ACBD5: variants seen among roughly 807,000 people sequenced by gnomAD.
ACBD5 encodes acyl-CoA-binding domain-containing protein 5.
Under a neutral mutation model 71.8 loss-of-function variants are expected in ACBD5, and 40 were observed. The observed-to-expected ratio is 0.56, with a 90% confidence interval of 0.43 to 0.72. ACBD5 has a LOEUF of 0.72. Ranked by LOEUF, ACBD5 falls within the 30% of genes least tolerant of loss-of-function variation. The probability of loss-of-function intolerance (pLI) is 0.00; values close to 1 mark genes in which losing one functional copy is unlikely to be tolerated. For synonymous variants in ACBD5, 229 were observed against 218.6 expected, an observed-to-expected ratio of 1.05 and a Z score of -0.42; for missense variants, 559 against 644.5, an observed-to-expected ratio of 0.87 and a Z score of 1.44.
chr10:27,221,589 C>T (rs2137545714), intron 5 of ACBD5, among the ~76,000 whole-genome samples: 1 of 152,236 alleles, frequency 6.6e-6, no homozygotes, highest in African/African-American at 2.4e-5. Flanking sequence ...CCTCTGCATC[C>T]CAACATGCCT....
chr10:27,241,995 T>G (rs1210996274), upstream of ACBD5: 2 of 452,380 alleles, frequency 4.4e-6, no homozygotes, highest in Non-Finnish European at 4.4e-6. Context: ...GGAGGGTTAC[T>G]AGGAAAAATC....
At chr10:27,225,414 T>A (rs1424991406) in intron 4 of ACBD5, among the ~76,000 whole-genome samples, 1 of 152,186 alleles carries the variant, frequency 6.6e-6, no homozygotes, top group Non-Finnish European at 1.5e-5. Context: ...CCCCACTGTG[T>A]TATATGTGTA....
In ACBD5 at chr10:27,240,793, CGTCT is replaced by C. The variant is rs953084616; in HGVS notation, c.-109_-106del. 27 of 1,508,184 alleles carry C rather than the reference CGTCT, an allele frequency of 1.8e-5. No individual in the cohort carries two copies. Among genetic ancestry groups the C allele is most frequent in the East Asian group, 9.8e-5 (4 of 40,688 alleles). 93.4% of individuals were successfully genotyped at this position (1,508,184 alleles called of 1,614,324 possible). On this transcript the variant is annotated 5_prime_UTR_variant, in exon 1 of 13. Coordinates refer to ENST00000396271, the MANE Select transcript of ACBD5 (RefSeq NM_145698.5). This position sits in a 1 kb window ranked among gnomAD's most constrained non-coding sequence, Gnocchi z 4.1. Reference sequence around the variant, plus strand: ...CCACACCCCCCATTCCGCCGGAGTCCGTCTGTCAGTCCGTGCCCTCCCCACAGCC... The same window carrying C: ...CCACACCCCCCATTCCGCCGGAGTCCGTCAGTCCGTGCCCTCCCCACAGCC...
At chr10:27,212,072 G>A (rs1589120592) in intron 8 of ACBD5, among the ~76,000 whole-genome samples, 1 of 152,166 alleles carries the variant, frequency 6.6e-6, no homozygotes, top group Admixed American at 6.5e-5. Flanking sequence ...GCAAGGGGCC[G>A]GCATGGTGGC....
chr10:27,241,068 T>C (rs1211242275), upstream of ACBD5, among the ~76,000 whole-genome samples: 1 of 152,150 alleles, frequency 6.6e-6, no homozygotes, highest in Non-Finnish European at 1.5e-5. Flanking sequence ...GGCAGCCGGG[T>C]GGACGAAGTG....
At chr10:27,197,817 C>T (rs1181718092) in intron 12 of ACBD5, among the ~76,000 whole-genome samples, 1 of 152,070 alleles carries the variant, frequency 6.6e-6, no homozygotes, top group Non-Finnish European at 1.5e-5. Flanking sequence ...TGGGTAATTT[C>T]TGTATTTTTA....
intron 3 of ACBD5, among the ~76,000 whole-genome samples, chr10:27,233,959 G>A (rs2064271823): frequency 1.3e-5 from 2 of 152,090 alleles, no homozygotes; most frequent in African/African-American, 4.8e-5. Flanking sequence ...CAGGAGAATC[G>A]CTTGAACCTG....
At chr10:27,212,721 T>A (rs116954651) in intron 8 of ACBD5, among the ~76,000 whole-genome samples, 1,670 of 152,144 alleles carry the variant, frequency 0.011, 15 homozygotes, top group Middle Eastern at 0.027. Context: ...CTAAGTTTTT[T>A]ATTTTTTTGT....
intron 4 of ACBD5, among the ~76,000 whole-genome samples, chr10:27,224,084 G>A (rs372556156): frequency 1.3e-5 from 2 of 151,588 alleles, no homozygotes; most frequent in East Asian, 3.9e-4. Flanking sequence ...GCTAGGGGGC[G>A]CAGTGCAATG....
intron 12 of ACBD5, among the ~76,000 whole-genome samples, chr10:27,202,969 C>CTTTTTTTTTT (rs775633178): frequency 2.8e-5 from 2 of 70,766 alleles, no homozygotes; most frequent in East Asian, 5.2e-4. Flanking sequence ...TCTATATCCT[C>CTTTTTTTTTT]TTTTTTTTTT....
Position 27,235,084 on chromosome 10 carries a change from A to G in ACBD5, c.302+8T>C. ...TAAATTCTTGCATAGCTCTACACAA[A>G]AAATTACCATTTATATCTTCCAATA... is the stretch of plus-strand genomic sequence containing the variant. On this transcript the variant is annotated splice_region_variant and intron_variant, in intron 3 of 12. Coordinates refer to ENST00000396271, the MANE Select transcript of ACBD5 (RefSeq NM_145698.5). 1.9e-6 allele frequency: 3 copies of G among 1,613,718 alleles called. No individual in the cohort carries two copies. The highest frequency in any genetic ancestry group is 2.5e-6 in the Non-Finnish European group (3 of 1,179,774).
At chr10:27,187,156 C>T (rs553237554) in intron 13 of ACBD5, among the ~76,000 whole-genome samples, 22 of 152,110 alleles carry the variant, frequency 1.4e-4, no homozygotes, top group Admixed American at 2.6e-4. Context: ...ACAAATTAGC[C>T]GGGCATGTTG....
intron 3 of ACBD5, among the ~76,000 whole-genome samples, chr10:27,233,070 T>C (rs780269789): frequency 6.6e-6 from 1 of 152,158 alleles, no homozygotes; most frequent in Non-Finnish European, 1.5e-5. Context: ...AACAAGCTTA[T>C]GGCACTTCCA....
chr10:27,228,815 A>ATATATATAT (rs1554856598), intron 4 of ACBD5, among the ~76,000 whole-genome samples: 2 of 20,370 alleles, frequency 9.8e-5, no homozygotes, highest in Non-Finnish European at 1.3e-4. Flanking sequence ...ATATATATAT[A>ATATATATAT]TTTTTTTTTT....
At chr10:27,219,273 C>T (rs969026601) in intron 6 of ACBD5, among the ~76,000 whole-genome samples, 2 of 151,576 alleles carry the variant, frequency 1.3e-5, no homozygotes, top group African/African-American at 2.4e-5. Context: ...TACCACTGCA[C>T]TCCAGCCTGG....
chr10:27,218,420 C>A (rs1201187033), intron 6 of ACBD5, among the ~76,000 whole-genome samples: 1 of 152,142 alleles, frequency 6.6e-6, no homozygotes, highest in Non-Finnish European at 1.5e-5. Flanking sequence ...TCTAGAATTT[C>A]TTTTAAAAAG....
downstream of ACBD5, among the ~76,000 whole-genome samples, chr10:27,193,093 CCT>C (rs1026138204): frequency 7.5e-5 from 10 of 133,162 alleles, no homozygotes; most frequent in South Asian, 2.9e-4. Context: ...TCCCTCCCTT[CCT>C]CTCTCTCTTT....
chr10:27,230,503 T>C (rs1027926015), intron 4 of ACBD5, among the ~76,000 whole-genome samples: 12 of 152,200 alleles, frequency 7.9e-5, no homozygotes, highest in East Asian at 5.8e-4. Context: ...TGGTTCTTTA[T>C]AAAAAAGTCT....
chr10:27,184,584 G>A (rs1381115665), intron 13 of ACBD5, among the ~76,000 whole-genome samples: 5 of 59,068 alleles, frequency 8.5e-5, no homozygotes, highest in East Asian at 4.8e-4. Flanking sequence ...TTTTTGAGAC[G>A]GAATCTCGTT....
Sources: gnomAD v4.1 joint callset for allele counts (sites outside exome capture counted in the v4.1 genomes callset) on GRCh38, gnomAD v4.1.1 for gene constraint, Gnocchi (gnomAD v3.1) non-coding constraint, MANE v1.5 for transcripts, NCBI Gene and HGNC (gene_info 2026-07-23, HGNC 2026-07-21) for gene names.